Variants in GPHN observed in about 807,000 individuals in gnomAD.
GPHN encodes gephyrin.
Under a neutral mutation model 95.5 loss-of-function variants are expected in GPHN, and 17 were observed. That is an observed-to-expected ratio of 0.18 (90% CI 0.12 to 0.27). The LOEUF (loss-of-function observed/expected upper bound fraction) is 0.27. Among genes scored for constraint, GPHN ranks in the 10% least tolerant of loss-of-function variants. The pLI, the probability that GPHN is intolerant of heterozygous loss-of-function variation, is 1.00. For synonymous variants in GPHN, 320 were observed against 322.5 expected (o/e 0.99, Z 0.08); for missense variants, 660 against 978.1 (o/e 0.67, Z 4.34).
At chr14:67,615,534 A>G in the GPHN span, 1 of 466,972 alleles carries the variant, frequency 2.1e-6, no homozygotes, top group South Asian at 2.0e-5. Flanking sequence ...CATCGTATGT[A>G]TTTTGTGTGC....
At chr14:67,143,078 C>G (rs2080585611) in intron 17 of GPHN, 1 of 379,212 alleles carries the variant, frequency 2.6e-6, no homozygotes, top group South Asian at 2.3e-5. Context: ...AGTTAGACAT[C>G]CTCCAACATC....
the GPHN span, chr14:67,594,083 C>T: frequency 1.6e-6 from 1 of 629,896 alleles, no homozygotes; most frequent in East Asian, 2.7e-5. Flanking sequence ...TGAAAGTATA[C>T]AGTGAAACAG....
At chr14:67,576,107 T>G in the GPHN span, 3 of 916,558 alleles carry the variant, frequency 3.3e-6, no homozygotes, top group Non-Finnish European at 3.3e-6. The surrounding 1 kb of genome is among the most constrained non-coding windows in gnomAD (Gnocchi z 4.0). Flanking sequence ...ATTTATTTCC[T>G]TTTGGACACT....
intron 1 of GPHN, among the ~76,000 whole-genome samples, chr14:66,599,311 A>T (rs1387600598): frequency 6.8e-6 from 1 of 147,056 alleles, no homozygotes; most frequent in East Asian, 2.0e-4. Context: ...TTTATTTACC[A>T]CTTTGGTCTT....
At chr14:67,500,391 T>C in the GPHN span, among the ~76,000 whole-genome samples, 2 of 151,768 alleles carry the variant, frequency 1.3e-5, no homozygotes, top group African/African-American at 4.8e-5. Flanking sequence ...GGAGAATCTC[T>C]TGAACCCGAG....
At chr14:66,544,219 T>C (rs28497054) in intron 1 of GPHN, among the ~76,000 whole-genome samples, 49,866 of 152,056 alleles carry the variant, frequency 0.33, 12,009 homozygotes, top group African/African-American at 0.65. Context: ...TACTCTTTCC[T>C]CAGGAGTCAC....
chr14:67,556,353 C>G, the GPHN span, among the ~76,000 whole-genome samples: 27 of 152,346 alleles, frequency 1.8e-4, no homozygotes, highest in African/African-American at 6.5e-4. Context: ...CCAGGCTGGT[C>G]TCAAACTGCT....
the GPHN span, among the ~76,000 whole-genome samples, chr14:67,355,763 G>C: frequency 6.6e-6 from 1 of 151,974 alleles, no homozygotes; most frequent in Non-Finnish European, 1.5e-5. Context: ...CACTTTGGGA[G>C]GCTAAGGTGG....
chr14:67,137,258 G>C (rs943727872), intron 17 of GPHN, among the ~76,000 whole-genome samples: 1 of 151,478 alleles, frequency 6.6e-6, no homozygotes, highest in South Asian at 2.1e-4. Context: ...CCATTCTCCT[G>C]CCTCAGCCTC....
At chr14:66,761,377 A>G (rs1161687402) in intron 2 of GPHN, among the ~76,000 whole-genome samples, 2 of 152,222 alleles carry the variant, frequency 1.3e-5, no homozygotes, top group Non-Finnish European at 2.9e-5. Context: ...ACAGTAAAAT[A>G]TTCCCTTTAT....
In GPHN at chr14:67,181,105, C is replaced by T. The variant is rs1344234366; in HGVS notation, c.*168C>T. On this transcript the variant is annotated 3_prime_UTR_variant, in exon 23 of 23. Transcript: ENST00000478722. ...TTTAAATATCTTTTAAAGAAAAAAA[C>T]ACCTAAAAATAAATCTTAACAGAAA... The T allele has an allele frequency of 3.4e-5, 24 of 704,224 alleles. No homozygotes were observed. The highest frequency in any genetic ancestry group is 1.1e-4 in the East Asian group (4 of 36,790). The allele number at this position is 704,224 out of a possible 1,614,324, so 43.6% of individuals were successfully genotyped here. A position where few individuals can be genotyped will look rare whatever the true frequency, so the allele number is the denominator to read the frequency against.
chr14:67,617,125 C>A, the GPHN span: 1 of 152,264 alleles, frequency 6.6e-6, no homozygotes, highest in East Asian at 1.9e-4. Context: ...AATCCACCCA[C>A]CTCGGCCTCC....
intron 1 of GPHN, among the ~76,000 whole-genome samples, chr14:66,553,536 A>G (rs2059899384): frequency 6.6e-6 from 1 of 152,040 alleles, no homozygotes; most frequent in African/African-American, 2.4e-5. Flanking sequence ...TGCCAACGTC[A>G]ATATACTGTT....
At chr14:67,566,242 T>C in the GPHN span, among the ~76,000 whole-genome samples, 4 of 152,066 alleles carry the variant, frequency 2.6e-5, no homozygotes, top group Non-Finnish European at 4.4e-5. Context: ...GGAGACCCAG[T>C]TGAGCCAAGA....
intron 2 of GPHN, among the ~76,000 whole-genome samples, chr14:66,767,441 G>GAAAAAAA (rs375844697): frequency 3.1e-5 from 3 of 96,872 alleles, no homozygotes; most frequent in Non-Finnish European, 8.4e-5. Context: ...TTTTTGAACA[G>GAAAAAAA]AAAAAAAAAA....
chr14:67,707,132 C>T, the GPHN span, among the ~76,000 whole-genome samples: 1 of 152,060 alleles, frequency 6.6e-6, no homozygotes, highest in Non-Finnish European at 1.5e-5. Context: ...TTTACGAAAG[C>T]ACAACTTAGT....
At chr14:66,946,449 C>T (rs2067756781) in intron 8 of GPHN, among the ~76,000 whole-genome samples, 1 of 152,012 alleles carries the variant, frequency 6.6e-6, no homozygotes. Context: ...TCTTTTTGCC[C>T]AGGCTGGAGT....
the GPHN span, among the ~76,000 whole-genome samples, chr14:67,366,712 A>G: frequency 6.6e-6 from 1 of 152,344 alleles, no homozygotes; most frequent in South Asian, 2.1e-4. Flanking sequence ...GTCCTCCTAG[A>G]CAAGCCTTTC....
At chr14:67,612,675 G>A in the GPHN span, among the ~76,000 whole-genome samples, 2 of 152,146 alleles carry the variant, frequency 1.3e-5, no homozygotes, top group Non-Finnish European at 2.9e-5. Flanking sequence ...GGTAGCTCAC[G>A]CCTGTAATCC....
Sources: gnomAD v4.1 joint callset for allele counts (sites outside exome capture counted in the v4.1 genomes callset) on GRCh38, gnomAD v4.1.1 for gene constraint, Gnocchi (gnomAD v3.1) non-coding constraint, MANE v1.5 for transcripts, NCBI Gene and HGNC (gene_info 2026-07-23, HGNC 2026-07-21) for gene names.